The following NSRP1 variants were observed in gnomAD, a reference collection of about 807,000 sequenced individuals.
The protein encoded by NSRP1 is nuclear speckle splicing regulatory protein 1, also known as coiled-coil domain containing 55.
Under a neutral mutation model 54.7 loss-of-function variants are expected in NSRP1, and 24 were observed. That is an observed-to-expected ratio of 0.44 (90% CI 0.32 to 0.62). The LOEUF is 0.62. NSRP1 is among the 20% of genes least tolerant of loss of function. The probability of loss-of-function intolerance (pLI) is 0.06; values close to 1 mark genes in which losing one functional copy is unlikely to be tolerated. For missense variants in NSRP1, 596 were observed against 651.2 expected (o/e 0.92, Z 0.92); for synonymous variants, 210 against 213.8 (o/e 0.98, Z 0.15).
At chr17:30,169,623 C>A (rs1951235979) in intron 2 of NSRP1, among the ~76,000 whole-genome samples, 1 of 151,986 alleles carries the variant, frequency 6.6e-6, no homozygotes, top group Admixed American at 6.6e-5. Flanking sequence ...ATGTAATACA[C>A]AACTAGTATA....
At chr17:30,154,383 ATAT>A (rs1342854485) in intron 2 of NSRP1, 7 of 150,496 alleles carry the variant, frequency 4.7e-5, no homozygotes, top group East Asian at 2.0e-4. Flanking sequence ...GTATCTCATA[ATAT>A]TATTATTGGG....
At chr17:30,150,004 T>C (rs1335178144) in intron 2 of NSRP1, 1 of 152,224 alleles carries the variant, frequency 6.6e-6, no homozygotes, top group Non-Finnish European at 1.5e-5. Context: ...ACTAATTGAC[T>C]TTATGTCTCT....
intron 2 of NSRP1, among the ~76,000 whole-genome samples, chr17:30,127,446 G>A (rs2071660317): frequency 6.6e-6 from 1 of 152,160 alleles, no homozygotes; most frequent in Non-Finnish European, 1.5e-5. Context: ...ACAAGGTTTT[G>A]CTCTGCTGCC....
chr17:30,179,441 G>A, intron 5 of NSRP1, 144 bp downstream of exon 5: 1 of 1,284,394 alleles, frequency 7.8e-7, no homozygotes, highest in East Asian at 2.6e-5. Context: ...CAAGGAATAT[G>A]GTATTATATA....
intron 2 of NSRP1, among the ~76,000 whole-genome samples, chr17:30,128,711 C>T (rs573360203): frequency 2.6e-4 from 40 of 151,858 alleles, no homozygotes; most frequent in Non-Finnish European, 4.6e-4. Context: ...TCTTTATGAT[C>T]GTAAAAATTT....
chr17:30,158,598 C>T (rs527455518), intron 2 of NSRP1, among the ~76,000 whole-genome samples: 4 of 151,914 alleles, frequency 2.6e-5, no homozygotes, highest in African/African-American at 7.2e-5. Flanking sequence ...TAGTTTGGGG[C>T]CTTATCTTAA....
intron 2 of NSRP1, among the ~76,000 whole-genome samples, chr17:30,143,278 A>C (rs534968096): frequency 5.3e-5 from 8 of 152,360 alleles, no homozygotes; most frequent in African/African-American, 1.9e-4. Flanking sequence ...TCTGAAACAA[A>C]ATTACTTTAT....
chr17:30,155,382 C>T (rs1006752436), intron 2 of NSRP1, among the ~76,000 whole-genome samples: 13 of 152,020 alleles, frequency 8.6e-5, no homozygotes, highest in Admixed American at 4.6e-4. Flanking sequence ...TTTTATTTAT[C>T]CTCTGTCCTC....
chr17:30,173,073 C>T (rs1308891905), intron 3 of NSRP1, among the ~76,000 whole-genome samples: 2 of 151,752 alleles, frequency 1.3e-5, no homozygotes, highest in Admixed American at 1.3e-4. Flanking sequence ...AGGCAATTCT[C>T]CTGCTTCAGC....
At chr17:30,166,341 G>A (rs978726730) in intron 2 of NSRP1, among the ~76,000 whole-genome samples, 4 of 152,070 alleles carry the variant, frequency 2.6e-5, no homozygotes, top group South Asian at 2.1e-4. Flanking sequence ...TATTCACAGG[G>A]CACTTATGAA....
At chr17:30,126,400 T>C (rs1250162385) in intron 2 of NSRP1, among the ~76,000 whole-genome samples, 2 of 152,226 alleles carry the variant, frequency 1.3e-5, no homozygotes, top group Non-Finnish European at 2.9e-5. Context: ...GCGCAAAAGC[T>C]ACTTCTTTCA....
At position 30,132,754 on chromosome 17, in the gene NSRP1, A is replaced by G. The variant is rs533945767; in HGVS notation, c.114+14581A>G. On this transcript the variant is annotated intron_variant, in intron 2 of 6. Coordinates refer to ENST00000247026, the MANE Select transcript of NSRP1 (RefSeq NM_032141.4). Reference sequence around the variant, plus strand: ...ATCTACTGAAGTCTTGAAGCCCTCAAAGTCATTCATGAGAGTTGGAATCAG... The same window carrying G: ...ATCTACTGAAGTCTTGAAGCCCTCAGAGTCATTCATGAGAGTTGGAATCAG... Among the ~76,000 whole-genome samples, 229 of 152,196 alleles carry G rather than the reference A, an allele frequency of 1.5e-3. 10 individuals carry two copies. The South Asian group carries it at 0.045, about 30-fold the overall frequency.
chr17:30,169,995 CG>C (rs1904870116), intron 2 of NSRP1, among the ~76,000 whole-genome samples: 2 of 151,854 alleles, frequency 1.3e-5, no homozygotes, highest in African/African-American at 4.8e-5. Context: ...TTTAAGACTT[CG>C]TTTTTTTTTA....
At chr17:30,162,232 G>C (rs1009352364) in intron 2 of NSRP1, among the ~76,000 whole-genome samples, 4 of 152,030 alleles carry the variant, frequency 2.6e-5, no homozygotes, top group African/African-American at 9.7e-5. Context: ...GGGTTTCGCT[G>C]TTTTAGCCAG....
At chr17:30,138,948 C>A (rs969253263) in intron 2 of NSRP1, among the ~76,000 whole-genome samples, 2 of 106,674 alleles carry the variant, frequency 1.9e-5, no homozygotes, top group Non-Finnish European at 3.4e-5. Flanking sequence ...GATGGAGTCT[C>A]GCTTTGTCGC....
chr17:30,157,646 C>T (rs968465298), intron 2 of NSRP1, among the ~76,000 whole-genome samples: 2 of 152,048 alleles, frequency 1.3e-5, no homozygotes, highest in Admixed American at 6.6e-5. Flanking sequence ...CTTTGTCTCT[C>T]TCCCCTCTTT....
chr17:30,116,919 A>G (rs2151868504), intron 1 of NSRP1, 56 bp downstream of exon 1: 1 of 1,551,948 alleles, frequency 6.4e-7, no homozygotes, highest in African/African-American at 1.4e-5. Flanking sequence ...CGGCGACTGT[A>G]TCTTTGGCCG....
intron 2 of NSRP1, chr17:30,168,015 A>G (rs997289378): frequency 4.6e-5 from 7 of 152,200 alleles, no homozygotes; most frequent in Admixed American, 2.6e-4. Context: ...ACACCGTTCA[A>G]TATTATAAAG....
At chr17:30,161,450 A>G (rs1458384586) in intron 2 of NSRP1, among the ~76,000 whole-genome samples, 1 of 152,172 alleles carries the variant, frequency 6.6e-6, no homozygotes, top group Non-Finnish European at 1.5e-5. Context: ...TATCTAATGC[A>G]TATTTTGGGA....
Sources: allele counts gnomAD v4.1 joint callset (sites outside exome capture counted in the v4.1 genomes callset), GRCh38; gene constraint gnomAD v4.1.1; transcripts MANE v1.5; gene names NCBI Gene and HGNC (gene_info 2026-07-23, HGNC 2026-07-21).